CC2D2A: variants seen among roughly 807,000 people sequenced by gnomAD.
CC2D2A encodes coiled-coil and C2 domain-containing protein 2A.
In CC2D2A, 155 loss-of-function variants were observed where a neutral mutation model predicts 212.9. The ratio of observed to expected loss-of-function variants is 0.73; its 90% confidence interval spans 0.64 to 0.83. The LOEUF (loss-of-function observed/expected upper bound fraction) is 0.83. Ranked by LOEUF, CC2D2A falls within the 40% of genes least tolerant of loss-of-function variation. CC2D2A has a pLI of 0.00. For missense variants in CC2D2A, 1,856 were observed against 1,956.2 expected (o/e 0.95, Z 0.97); for synonymous variants, 667 against 686.5 (o/e 0.97, Z 0.44).
chr4:15,513,415 A>G (rs1198860426), intron 8 of CC2D2A, among the ~76,000 whole-genome samples: 1 of 152,242 alleles, frequency 6.6e-6, no homozygotes, highest in Non-Finnish European at 1.5e-5. Context: ...TGAAGATAGA[A>G]GTCTCCAATT....
At chr4:15,596,580 TA>T (rs1305434044) in intron 34 of CC2D2A, among the ~76,000 whole-genome samples, 1 of 152,216 alleles carries the variant, frequency 6.6e-6, no homozygotes, top group African/African-American at 2.4e-5. Flanking sequence ...AAAATTAACT[TA>T]CAGGGTCCTG....
intron 30 of CC2D2A, among the ~76,000 whole-genome samples, chr4:15,585,817 A>C (rs1315856385): frequency 6.6e-6 from 1 of 152,096 alleles, no homozygotes; most frequent in African/African-American, 2.4e-5. Context: ...AGGGCTCCTT[A>C]GAGAAATGAC....
intron 28 of CC2D2A, among the ~76,000 whole-genome samples, chr4:15,573,566 C>T (rs1292519397): frequency 6.6e-6 from 1 of 152,252 alleles, no homozygotes; most frequent in Non-Finnish European, 1.5e-5. Flanking sequence ...GCTGGGATAT[C>T]TGGCGTGAGC....
intron 17 of CC2D2A, among the ~76,000 whole-genome samples, chr4:15,548,072 ACTT>A (rs1440030902): frequency 2.0e-5 from 3 of 151,642 alleles, no homozygotes; most frequent in Non-Finnish European, 2.9e-5. Context: ...AAATAAAAGA[ACTT>A]CTGCTATCTT....
Position 15,579,891 on chromosome 4 carries a change from T to C in CC2D2A, c.3772-77T>C, listed in dbSNP as rs887680628. On this transcript the variant is annotated intron_variant, in intron 29 of 36. Transcript: ENST00000424120. ...ATTCCCAAACCATACATTTCCTGCA[T>C]GTTGACTGTGGAATCTGAACACGTA... 5.3e-6 allele frequency: 6 copies of C among 1,142,686 alleles called. No individual in the cohort carries two copies. The African/African-American group carries it at 6.1e-5, about 12-fold the overall frequency. 70.8% of individuals were successfully genotyped at this position (1,142,686 alleles called of 1,614,324 possible).
At position 15,527,457 on chromosome 4, in the gene CC2D2A, A is replaced by G; in HGVS notation, c.1160A>G (p.Tyr387Cys). 6.2e-7 allele frequency: 1 copy of G among 1,612,468 alleles called. No homozygotes were observed. Among genetic ancestry groups the G allele is most frequent in the Non-Finnish European group, 8.5e-7 (1 of 1,179,034 alleles). ...TGCTTTCCTTGGCAGGCTGTAAAAT[A>G]CGTTCACAGTAGTCAGCATGTGATC... ...LETLYKKAVK[Y>C]VHSSQHVIRS... The change falls in exon 12 of 37, where the codon TAC (tyrosine) becomes TGC (cysteine). Residue 387 changes from tyrosine (Y) to cysteine (C), a missense_variant. Physicochemically the swap from Tyr to Cys is radical, Grantham distance 194 (BLOSUM62 -2). This residue lies in a region of CC2D2A where 1,512 missense variants were observed against 1,579.3 expected (regional missense o/e 0.96). Coordinates refer to ENST00000424120, the MANE Select transcript of CC2D2A (RefSeq NM_001378615.1).
chr4:15,587,598 C>A (rs991050708), intron 31 of CC2D2A, among the ~76,000 whole-genome samples: 1 of 152,150 alleles, frequency 6.6e-6, no homozygotes, highest in Non-Finnish European at 1.5e-5. Context: ...AGTATTGATT[C>A]TAGAAATCCA....
chr4:15,470,683 CTCTCTCTATATATA>C (rs1338722057), intron 1 of CC2D2A, among the ~76,000 whole-genome samples: 29 of 54,302 alleles, frequency 5.3e-4, no homozygotes, highest in African/African-American at 1.7e-3. Context: ...CTCTCTCTCT[CTCTCTCTATATATA>C]TATATATATA....
At position 15,586,221 on chromosome 4, in the gene CC2D2A, T is replaced by C; in HGVS notation, c.4040T>C (p.Ile1347Thr). ...FLPDTVSFGG[I>T]CDLWSTSDQF... ...CCTGACACTGTCTCATTTGGTGGTA[T>C]CTGTGACCTCTGGAGCACATCTGAT... Residue 1347 changes from isoleucine (I) to threonine (T), a missense_variant, in exon 31 of 37, where the codon ATC becomes ACC. Physicochemically the swap from Ile to Thr is moderately conservative, Grantham distance 89. Transcript: ENST00000424120. 1 of 1,607,820 alleles carries C rather than the reference T, an allele frequency of 6.2e-7. No homozygotes were observed. Among genetic ancestry groups the C allele is most frequent in the Non-Finnish European group, 8.5e-7 (1 of 1,175,920 alleles).
At chr4:15,597,573 C>A in intron 35 of CC2D2A, 108 bp downstream of exon 35, 1 of 845,764 alleles carries the variant, frequency 1.2e-6, no homozygotes, top group Non-Finnish European at 1.9e-6. Flanking sequence ...GGCAACTTAA[C>A]TTTAATTCAT....
intron 4 of CC2D2A, among the ~76,000 whole-genome samples, chr4:15,487,957 T>TA: frequency 6.6e-6 from 1 of 151,576 alleles, no homozygotes; most frequent in African/African-American, 2.4e-5. Flanking sequence ...TAACCCCGTC[T>TA]CCCCCCTGCT....
chr4:15,500,126 T>TA (rs1283906196), intron 4 of CC2D2A, among the ~76,000 whole-genome samples: 2 of 148,942 alleles, frequency 1.3e-5, no homozygotes, highest in African/African-American at 5.0e-5. Context: ...TATATATATA[T>TA]ATATATGTAT....
intron 1 of CC2D2A, among the ~76,000 whole-genome samples, chr4:15,470,683 CTCTCTCTATATATATATATATATATA>C (rs1337039084): frequency 0.014 from 747 of 54,214 alleles, 2 homozygotes; most frequent in Middle Eastern, 0.048. Flanking sequence ...CTCTCTCTCT[CTCTCTCTATATATATATATATATATA>C]TATATATATA....
chr4:15,593,086 A>G (rs1048151983), intron 33 of CC2D2A, among the ~76,000 whole-genome samples: 3 of 152,138 alleles, frequency 2.0e-5, no homozygotes, highest in African/African-American at 7.2e-5. Flanking sequence ...AGTATCCCCA[A>G]TTAAGTTCAC....
At chr4:15,558,521 T>G (rs1719404207) in intron 21 of CC2D2A, among the ~76,000 whole-genome samples, 1 of 152,062 alleles carries the variant, frequency 6.6e-6, no homozygotes, top group African/African-American at 2.4e-5. Context: ...GCTCCTCCTT[T>G]GCAGACAGGT....
At chr4:15,472,734 C>T (rs1170696592) in intron 1 of CC2D2A, among the ~76,000 whole-genome samples, 4 of 151,806 alleles carry the variant, frequency 2.6e-5, no homozygotes, top group Non-Finnish European at 5.9e-5. Flanking sequence ...ATTATCTGCC[C>T]CCTCATTCAC....
At position 15,511,387 on chromosome 4, in the gene CC2D2A, A is replaced by T; in HGVS notation, c.681A>T (p.Glu227Asp). 1 of 1,559,230 alleles carries T rather than the reference A, an allele frequency of 6.4e-7. No individual in the cohort carries two copies. The change falls in exon 8 of 37, where the codon GAA (glutamate) becomes GAT (aspartate). Residue 227 changes from glutamate (E) to aspartate (D), a missense_variant. Transcript: ENST00000424120. ...GTNQEEEEGE[E>D]EEPPAQGGGK... is the part of the protein sequence containing the mutation. ...ATCAAGAGGAGGAGGAAGGGGAAGAAGAAGAACCACCTGCACAAGGAGGAG... is the reference window on the plus strand; with the variant it reads ...ATCAAGAGGAGGAGGAAGGGGAAGATGAAGAACCACCTGCACAAGGAGGAG...
Position 15,567,718 on chromosome 4 carries a change from A to G in CC2D2A, c.3330A>G (p.Thr1110=). 2 of 1,605,454 alleles carry G rather than the reference A, an allele frequency of 1.2e-6. No individual in the cohort carries two copies. Among genetic ancestry groups the G allele is most frequent in the African/African-American group, 2.7e-5 (2 of 74,458 alleles). The change falls in exon 26 of 37, where the codon ACA becomes ACG. Residue 1110 remains threonine, a synonymous_variant. Coordinates refer to ENST00000424120, the MANE Select transcript of CC2D2A (RefSeq NM_001378615.1). ...TTGTAGAAGTCTCTTTTCAACGAAC[A>G]GTTTGCCATACGACTACGGCTGAAG... ...RPFVEVSFQR[T]VCHTTTAEGP...
At chr4:15,475,824 C>G in intron 1 of CC2D2A, 91 bp from the exon 2 acceptor site, 1 of 1,041,540 alleles carries the variant, frequency 9.6e-7, no homozygotes, top group Non-Finnish European at 1.5e-6. Context: ...ACTTCACTTA[C>G]CATCATGGCC....
Sources: allele counts gnomAD v4.1 joint callset (sites outside exome capture counted in the v4.1 genomes callset), GRCh38; gene constraint gnomAD v4.1.1; regional missense constraint gnomAD v4.1.1; transcripts MANE v1.5; gene names NCBI Gene and HGNC (gene_info 2026-07-23, HGNC 2026-07-21).